PDZRN3: variants seen among roughly 807,000 people sequenced by gnomAD.
PDZRN3 encodes PDZ domain containing ring finger 3, also known as E3 ubiquitin-protein ligase PDZRN3.
A neutral mutation model predicts 85.7 loss-of-function variants in PDZRN3; 38 were observed. The ratio of observed to expected loss-of-function variants is 0.44; its 90% CI spans 0.34 to 0.58. The LOEUF (loss-of-function observed/expected upper bound fraction) is 0.58. Among genes scored for constraint, PDZRN3 ranks in the 20% least tolerant of loss-of-function variants. The pLI is 0.01. For synonymous variants in PDZRN3, 759 were observed against 638.0 expected, an observed-to-expected ratio of 1.19 and a Z score of -2.86; for missense variants, 1,629 against 1,506.4, an observed-to-expected ratio of 1.08 and a Z score of -1.35.
chr3:73,388,088 G>C lies in PDZRN3; in HGVS notation c.1417-19C>G. On this transcript the variant is annotated intron_variant, in intron 7 of 9. Transcript: ENST00000263666. Reference sequence around the variant, plus strand: ...CATTAATCTTTTAAAAAAAAAGGGGGGGTGGGGAGAGTGGGGAGACAAATA... The same window carrying C: ...CATTAATCTTTTAAAAAAAAAGGGGCGGTGGGGAGAGTGGGGAGACAAATA... The C allele has an allele frequency of 2.6e-6, 3 of 1,152,330 alleles. No individual in the cohort carries two copies. The highest frequency in any genetic ancestry group is 3.8e-6 in the Non-Finnish European group (3 of 798,568). The allele number at this position is 1,152,330 out of a possible 1,614,324, so 71.4% of individuals were successfully genotyped here.
intron 2 of PDZRN3, among the ~76,000 whole-genome samples, chr3:73,603,612 G>C (rs771781635): frequency 2.6e-5 from 4 of 152,144 alleles, no homozygotes; most frequent in Non-Finnish European, 4.4e-5. Context: ...TATGTCATTA[G>C]AAGATTTATT....
At chr3:73,585,248 T>C (rs1365621109) in intron 3 of PDZRN3, among the ~76,000 whole-genome samples, 1 of 152,200 alleles carries the variant, frequency 6.6e-6, no homozygotes, top group East Asian at 1.9e-4. Context: ...GAAATGTCTA[T>C]TAGGAAGTTT....
intron 3 of PDZRN3, among the ~76,000 whole-genome samples, chr3:73,463,450 A>C (rs1703148661): frequency 6.6e-6 from 1 of 152,204 alleles, no homozygotes; most frequent in African/African-American, 2.4e-5. Context: ...ATATGTATAC[A>C]TTTCCTATGA....
chr3:73,577,160 T>A (rs1209305251), intron 3 of PDZRN3, among the ~76,000 whole-genome samples: 1 of 152,160 alleles, frequency 6.6e-6, no homozygotes. Flanking sequence ...CAAACCCAAA[T>A]TGAGAGCTTG....
At chr3:73,419,289 TA>T (rs1702152227) in intron 3 of PDZRN3, among the ~76,000 whole-genome samples, 1 of 152,166 alleles carries the variant, frequency 6.6e-6, no homozygotes, top group Non-Finnish European at 1.5e-5. Context: ...AAAAGGATGT[TA>T]ACAAGTTTTT....
At chr3:73,599,631 A>G (rs1702481161) in intron 3 of PDZRN3, among the ~76,000 whole-genome samples, 2 of 152,260 alleles carry the variant, frequency 1.3e-5, no homozygotes, top group South Asian at 4.1e-4. Context: ...ATATACACAC[A>G]CGGACATTTC....
intron 3 of PDZRN3, among the ~76,000 whole-genome samples, chr3:73,547,540 C>T (rs1199284833): frequency 2.0e-5 from 3 of 152,216 alleles, no homozygotes; most frequent in African/African-American, 7.2e-5. Context: ...AGCTCCTCCT[C>T]GAGGTTCTGG....
At chr3:73,412,805 G>A (rs185774720) in intron 3 of PDZRN3, among the ~76,000 whole-genome samples, 121 of 152,332 alleles carry the variant, frequency 7.9e-4, no homozygotes, top group Admixed American at 2.3e-3. Flanking sequence ...CTCAGTGAAG[G>A]TTAGCTATTT....
chr3:73,437,146 A>T (rs1014460022), intron 3 of PDZRN3, among the ~76,000 whole-genome samples: 6 of 152,116 alleles, frequency 3.9e-5, no homozygotes, highest in African/African-American at 1.4e-4. Flanking sequence ...CAGAAATTTT[A>T]AATTTATTCA....
chr3:73,531,250 CA>C (rs60520136), intron 3 of PDZRN3, among the ~76,000 whole-genome samples: 4,758 of 63,826 alleles, frequency 0.075, 47 homozygotes, highest in Middle Eastern at 0.14. Flanking sequence ...GACTTCGTCT[CA>C]AAAAAAAAAA....
At chr3:73,445,989 G>A (rs1702741061) in intron 3 of PDZRN3, among the ~76,000 whole-genome samples, 1 of 152,208 alleles carries the variant, frequency 6.6e-6, no homozygotes, top group Admixed American at 6.5e-5. Context: ...ATCAATGTGC[G>A]TCCAAATGTT....
At chr3:73,549,142 T>C (rs1407361951) in intron 3 of PDZRN3, among the ~76,000 whole-genome samples, 2 of 152,208 alleles carry the variant, frequency 1.3e-5, no homozygotes, top group Non-Finnish European at 2.9e-5. Flanking sequence ...CACTTGAACG[T>C]TTCCTTCCTT....
rs577904048 is a variant in PDZRN3 at position 73,566,526 on chromosome 3, A to T, written c.918+35828T>A. ...TTTGAGAGTAAGAAAATGTATCCAT[A>T]AAGGGGGGTTCCAGTAGGATGAATC... On this transcript the variant is annotated intron_variant, in intron 3 of 9. Transcript: ENST00000263666. Among the ~76,000 whole-genome samples, 10 of 152,304 alleles carry T rather than the reference A, an allele frequency of 6.6e-5. No homozygotes were observed. The South Asian group carries it at 2.1e-3, about 32-fold the overall frequency.
intron 3 of PDZRN3, chr3:73,433,895 CT>C: frequency 2.1e-6 from 3 of 1,431,010 alleles, no homozygotes; most frequent in Non-Finnish European, 2.7e-6. Context: ...GCTTCCCTTC[CT>C]CCCCTCGCAG....
intron 3 of PDZRN3, among the ~76,000 whole-genome samples, chr3:73,573,883 A>G (rs980976814): frequency 1.2e-4 from 19 of 152,030 alleles, no homozygotes; most frequent in Non-Finnish European, 2.2e-4. Flanking sequence ...CTAAACATTA[A>G]CCCATATTGT....
intron 3 of PDZRN3, among the ~76,000 whole-genome samples, chr3:73,562,855 T>A (rs1293423837): frequency 6.6e-6 from 1 of 151,368 alleles, no homozygotes; most frequent in Non-Finnish European, 1.5e-5. Context: ...ATGAAGTATA[T>A]CTCCTTTAAG....
intron 3 of PDZRN3, among the ~76,000 whole-genome samples, chr3:73,497,113 G>A (rs1185999894): frequency 6.6e-6 from 1 of 152,134 alleles, no homozygotes; most frequent in Non-Finnish European, 1.5e-5. Flanking sequence ...ATTTCGGTTT[G>A]GAGCTTGTTT....
intron 3 of PDZRN3, among the ~76,000 whole-genome samples, chr3:73,458,621 T>C (rs1248749751): frequency 6.7e-6 from 1 of 149,932 alleles, no homozygotes; most frequent in East Asian, 2.0e-4. Flanking sequence ...ATTTTGAGCA[T>C]CTCATACATT....
chr3:73,542,301 ATTGT>A (rs1704942315), intron 3 of PDZRN3, among the ~76,000 whole-genome samples: 1 of 152,178 alleles, frequency 6.6e-6, no homozygotes, highest in Non-Finnish European at 1.5e-5. Flanking sequence ...GAATACAAGG[ATTGT>A]TTGTTTACAT....
Sources: allele counts gnomAD v4.1 joint callset (sites outside exome capture counted in the v4.1 genomes callset), GRCh38; gene constraint gnomAD v4.1.1; transcripts MANE v1.5; gene names NCBI Gene and HGNC (gene_info 2026-07-23, HGNC 2026-07-21).